PAPPA2: variants seen among roughly 807,000 people sequenced by gnomAD.
PAPPA2 encodes pappalysin-2.
Under a neutral mutation model 176.4 loss-of-function variants are expected in PAPPA2, and 86 were observed. That is an observed-to-expected ratio of 0.49 (90% CI 0.41 to 0.58). The LOEUF (loss-of-function observed/expected upper bound fraction) is 0.58, where lower values mean the gene tolerates loss of function less well. PAPPA2 is among the 20% of genes least tolerant of loss of function. The probability of loss-of-function intolerance (pLI) is 0.00; values close to 1 mark genes in which losing one functional copy is unlikely to be tolerated. For missense variants in PAPPA2, 2,073 were observed against 2,256.9 expected, an observed-to-expected ratio of 0.92 and a Z score of 1.65; for synonymous variants, 809 against 852.2, an observed-to-expected ratio of 0.95 and a Z score of 0.88.
intron 6 of PAPPA2, among the ~76,000 whole-genome samples, chr1:176,693,075 T>C (rs1343457527): frequency 1.3e-5 from 2 of 152,168 alleles, no homozygotes; most frequent in African/African-American, 2.4e-5. Context: ...GGTAGGAAAA[T>C]GAATGACATC....
At chr1:176,826,851 G>C (rs184321459) in intron 21 of PAPPA2, among the ~76,000 whole-genome samples, 1 of 152,302 alleles carries the variant, frequency 6.6e-6, no homozygotes, top group East Asian at 1.9e-4. Context: ...CAGGAAAAAG[G>C]AAAATTTGTA....
chr1:176,613,647 G>T (rs1306088098), intron 3 of PAPPA2, among the ~76,000 whole-genome samples: 1 of 152,058 alleles, frequency 6.6e-6, no homozygotes, highest in Admixed American at 6.5e-5. Context: ...TTTCCTAGTA[G>T]ACTCCCTTAC....
At chr1:176,710,766 T>C (rs1412813017) in intron 11 of PAPPA2, among the ~76,000 whole-genome samples, 2 of 152,200 alleles carry the variant, frequency 1.3e-5, no homozygotes, top group Non-Finnish European at 2.9e-5. Context: ...TTTAGGCCTC[T>C]AGGTATTTCA....
intron 4 of PAPPA2, among the ~76,000 whole-genome samples, chr1:176,672,736 A>C (rs61822992): frequency 6.6e-6 from 1 of 152,080 alleles, no homozygotes; most frequent in South Asian, 2.1e-4. Flanking sequence ...AACAAATTAA[A>C]CATGTAAGGA....
chr1:176,718,151 TAA>T (rs1471194003), intron 12 of PAPPA2, among the ~76,000 whole-genome samples: 1 of 152,168 alleles, frequency 6.6e-6, no homozygotes, highest in Non-Finnish European at 1.5e-5. Context: ...CTACCTATCT[TAA>T]GTCAATTTTA....
chr1:176,803,023 T>C (rs1415896931), intron 21 of PAPPA2, among the ~76,000 whole-genome samples: 2 of 152,256 alleles, frequency 1.3e-5, no homozygotes. Flanking sequence ...AAATTGTTGG[T>C]ACGTTCAATT....
At chr1:176,621,403 C>T (rs971022291) in intron 3 of PAPPA2, among the ~76,000 whole-genome samples, 7 of 152,224 alleles carry the variant, frequency 4.6e-5, no homozygotes, top group African/African-American at 9.6e-5. Context: ...TCCTACCTAC[C>T]GGCCAAAGCT....
chr1:176,602,989 C>G (rs1654412829), intron 3 of PAPPA2, among the ~76,000 whole-genome samples: 1 of 152,226 alleles, frequency 6.6e-6, no homozygotes, highest in East Asian at 1.9e-4. Flanking sequence ...GTGGACTTTC[C>G]TCCTCAGGTG....
chr1:176,616,423 C>T, intron 3 of PAPPA2: 1 of 635,090 alleles, frequency 1.6e-6, no homozygotes, highest in South Asian at 1.5e-5. Context: ...TGTTTCATTC[C>T]ACCTTCAACT....
intron 3 of PAPPA2, among the ~76,000 whole-genome samples, chr1:176,617,723 G>A (rs919198724): frequency 4.6e-5 from 7 of 151,556 alleles, no homozygotes; most frequent in Non-Finnish European, 8.8e-5. Flanking sequence ...CCATATTTTT[G>A]CAATTGCAAA....
chr1:176,822,564 A>G (rs183652627), intron 21 of PAPPA2, among the ~76,000 whole-genome samples: 41 of 152,326 alleles, frequency 2.7e-4, no homozygotes, highest in Middle Eastern at 3.4e-3. Context: ...CTTAATAAAT[A>G]TAGGTATTCT....
In PAPPA2 at chr1:176,502,412, T is replaced by C. The variant is rs115845254; in HGVS notation, c.-917+38994T>C. Among the ~76,000 whole-genome samples, 125 of 152,332 alleles carry C rather than the reference T, an allele frequency of 8.2e-4. 1 individual carries two copies. The highest frequency in any genetic ancestry group is 2.8e-3 in the African/African-American group (116 of 41,586). On this transcript the variant is annotated intron_variant, in intron 1 of 22. Transcript: ENST00000367662. ...CTTATTCTATCTAAAACTTTCTTCA[T>C]TGGGAATGGCTAATGCAATTGATAT...
At chr1:176,499,969 T>A (rs1647864253) in intron 1 of PAPPA2, among the ~76,000 whole-genome samples, 1 of 152,144 alleles carries the variant, frequency 6.6e-6, no homozygotes. Flanking sequence ...CAATAATAAA[T>A]GAGAACAGCC....
rs185864832 is a variant in PAPPA2, at chr1:176,565,378, G to A, written c.919+8137G>A. ...AATCCTCATGAATGCATGGAGGTTT[G>A]GTTTTATGCCTCTGACCCTCTAAAA... On this transcript the variant is annotated intron_variant, in intron 2 of 22. Transcript: ENST00000367662. 1.4e-3 allele frequency among the ~76,000 whole-genome samples: 216 copies of A among 152,252 alleles called. 1 individual carries two copies. The highest frequency in any genetic ancestry group is 3.9e-3 in the South Asian group (19 of 4,822).
chr1:176,799,822 G>A (rs1375404828), intron 20 of PAPPA2, among the ~76,000 whole-genome samples: 3 of 152,140 alleles, frequency 2.0e-5, no homozygotes, highest in Non-Finnish European at 4.4e-5. Context: ...TTGGGAAAGA[G>A]GATGAAAAGT....
chr1:176,550,116 C>A (rs1233122220), intron 1 of PAPPA2, among the ~76,000 whole-genome samples: 2 of 152,206 alleles, frequency 1.3e-5, no homozygotes, highest in African/African-American at 4.8e-5. Flanking sequence ...CCCTTTAAGT[C>A]TGGCTTCTTT....
At position 176,568,835 on chromosome 1, in the gene PAPPA2, C is replaced by T. The variant is rs946812012; in HGVS notation, c.919+11594C>T. Among the ~76,000 whole-genome samples, 9 of 152,152 alleles carry T rather than the reference C, an allele frequency of 5.9e-5. No individual in the cohort carries two copies. The South Asian group carries it at 1.0e-3, about 18-fold the overall frequency. Reference sequence around the variant, plus strand: ...ACAATAATTCTGACTGTCTCTAACCCGAGAGATCAATTTATTCTTCAGCTG... The same window carrying T: ...ACAATAATTCTGACTGTCTCTAACCTGAGAGATCAATTTATTCTTCAGCTG... On this transcript the variant is annotated intron_variant, in intron 2 of 22. Transcript: ENST00000367662.
chr1:176,664,661 G>A (rs895903687), intron 3 of PAPPA2, among the ~76,000 whole-genome samples: 21 of 152,122 alleles, frequency 1.4e-4, no homozygotes, highest in Admixed American at 1.4e-3. Context: ...TATGACACTA[G>A]ACTTTAAGTC....
chr1:176,546,759 A>G (rs1174604564), intron 1 of PAPPA2, among the ~76,000 whole-genome samples: 1 of 152,262 alleles, frequency 6.6e-6, no homozygotes, highest in Non-Finnish European at 1.5e-5. Flanking sequence ...ATACTTAACC[A>G]CATCGATAGG....
Sources: gnomAD v4.1 joint callset for allele counts (sites outside exome capture counted in the v4.1 genomes callset) on GRCh38, gnomAD v4.1.1 for gene constraint, MANE v1.5 for transcripts, NCBI Gene and HGNC (gene_info 2026-07-23, HGNC 2026-07-21) for gene names.